Variants in FBXO7 observed in about 807,000 individuals in gnomAD.
FBXO7 encodes F-box only protein 7.
FBXO7 carries 31 observed loss-of-function variants against 50.2 expected under a neutral mutation model. That is an observed-to-expected ratio of 0.62 (90% CI 0.46 to 0.83). The LOEUF is 0.83. Ranked by LOEUF, FBXO7 falls within the 40% of genes least tolerant of loss-of-function variation. The pLI is 0.00. For missense variants in FBXO7, 667 were observed against 646.6 expected, an observed-to-expected ratio of 1.03 and a Z score of -0.34; for synonymous variants, 256 against 253.1, an observed-to-expected ratio of 1.01 and a Z score of -0.11.
intron 2 of FBXO7, among the ~76,000 whole-genome samples, chr22:32,481,603 AG>A (rs2057465165): frequency 6.6e-6 from 1 of 152,250 alleles, no homozygotes; most frequent in African/African-American, 2.4e-5. Flanking sequence ...AATGCTTTCA[AG>A]TACATCACAC....
chr22:32,494,086 G>A (rs1020982789), intron 7 of FBXO7, among the ~76,000 whole-genome samples: 3 of 137,260 alleles, frequency 2.2e-5, no homozygotes, highest in African/African-American at 8.3e-5. Context: ...CTGTAAAAAT[G>A]TGGTGGGTAG....
chr22:32,476,038 T>C (rs1184541185), intron 1 of FBXO7: 1 of 152,204 alleles, frequency 6.6e-6, no homozygotes, highest in African/African-American at 2.4e-5. Flanking sequence ...AGATGTTCCC[T>C]GGGGATTTTT....
rs527908525 is a variant in FBXO7 at position 32,488,428 on chromosome 22, A to T, written c.871+600A>T. On this transcript the variant is annotated intron_variant, in intron 5 of 8. Coordinates refer to ENST00000266087, the MANE Select transcript of FBXO7 (RefSeq NM_012179.4). Reference sequence around the variant, plus strand: ...TTTTTCAGTTAAACCAAACTGTGAGAGGCAGTTATAGGTGGTTGGAGCAGA... The same window carrying T: ...TTTTTCAGTTAAACCAAACTGTGAGTGGCAGTTATAGGTGGTTGGAGCAGA... The T allele has an allele frequency of 4.6e-5, 7 of 153,374 alleles. No individual in the cohort carries two copies. In the East Asian group the frequency reaches 1.1e-3, roughly 25 times the overall value. 9.5% of individuals were successfully genotyped at this position (153,374 alleles called of 1,614,324 possible).
At chr22:32,475,396 T>A (rs8137714) in intron 1 of FBXO7, 1 of 1,611,124 alleles carries the variant, frequency 6.2e-7, no homozygotes, top group Non-Finnish European at 8.5e-7. Flanking sequence ...GGTCCCCTCC[T>A]CGGTGAGTCA....
intron 1 of FBXO7, chr22:32,475,469 G>C: frequency 6.3e-7 from 1 of 1,576,554 alleles, no homozygotes; most frequent in Non-Finnish European, 8.7e-7. Context: ...TTCCACAACT[G>C]GTTAGATTTC....
intron 2 of FBXO7, among the ~76,000 whole-genome samples, chr22:32,480,929 G>A (rs1306427363): frequency 1.3e-5 from 2 of 152,200 alleles, no homozygotes; most frequent in African/African-American, 4.8e-5. Context: ...GCCACCCAAA[G>A]TAATGGGATT....
intron 6 of FBXO7, chr22:32,491,811 A>G (rs2057539244): frequency 6.7e-6 from 1 of 148,594 alleles, no homozygotes; most frequent in South Asian, 2.2e-4. Context: ...TTTATAATTC[A>G]CTCGAGATCC....
chr22:32,481,943 A>G (rs1373886503), intron 2 of FBXO7, among the ~76,000 whole-genome samples: 3 of 151,844 alleles, frequency 2.0e-5, no homozygotes, highest in African/African-American at 7.3e-5. Flanking sequence ...AGAATAGCTC[A>G]GAGAATGTCA....
At chr22:32,498,117 GTTCTT>G (rs746362938) in intron 8 of FBXO7, 22 bp from the exon 9 acceptor site, 5 of 1,612,442 alleles carry the variant, frequency 3.1e-6, no homozygotes, top group Admixed American at 3.3e-5. Context: ...ACCTTATCTT[GTTCTT>G]TTATTTTTCT....
intron 2 of FBXO7, among the ~76,000 whole-genome samples, chr22:32,480,415 T>A (rs2057457074): frequency 6.6e-6 from 1 of 152,026 alleles, no homozygotes; most frequent in Admixed American, 6.6e-5. Context: ...AGACCCATCA[T>A]TTTCCCCCGC....
At chr22:32,476,975 C>G (rs924618518) in intron 1 of FBXO7, among the ~76,000 whole-genome samples, 1 of 152,104 alleles carries the variant, frequency 6.6e-6, no homozygotes, top group Non-Finnish European at 1.5e-5. Context: ...TTGAACGTAC[C>G]TTGTACTAGA....
At chr22:32,476,771 A>G (rs1354918656) in intron 1 of FBXO7, among the ~76,000 whole-genome samples, 1 of 152,256 alleles carries the variant, frequency 6.6e-6, no homozygotes, top group African/African-American at 2.4e-5. Flanking sequence ...CTGCCATGAA[A>G]TACTTCTAAG....
intron 1 of FBXO7, 21 bp downstream of exon 1, chr22:32,475,145 G>C (rs1405485499): frequency 3.3e-6 from 5 of 1,537,012 alleles, no homozygotes; most frequent in Middle Eastern, 2.1e-4. Flanking sequence ...GCCGGGGCTG[G>C]GCGGCCCGCG....
In FBXO7 at chr22:32,475,799, AACTG is replaced by A. The variant is rs1234831646; in HGVS notation, c.122+677_122+680del. On this transcript the variant is annotated intron_variant, in intron 1 of 8. Coordinates refer to ENST00000266087, the MANE Select transcript of FBXO7 (RefSeq NM_012179.4). Reference sequence around the variant, plus strand: ...GGGTGAAATGTTGCTTTTTTGCTAAAACTGAGGCAAACGTTGATCTTGAGAGCTT... The same window carrying A: ...GGGTGAAATGTTGCTTTTTTGCTAAAAGGCAAACGTTGATCTTGAGAGCTT... The A allele has an allele frequency of 2.3e-4, 39 of 169,448 alleles. No homozygotes were observed. In the Middle Eastern group the frequency reaches 0.014, roughly 60 times the overall value. 10.5% of individuals were successfully genotyped at this position (169,448 alleles called of 1,614,324 possible). A position where few individuals can be genotyped will look rare whatever the true frequency, so the allele number is the denominator to read the frequency against.
chr22:32,491,789 A>T (rs2057539092), intron 6 of FBXO7: 1 of 152,046 alleles, frequency 6.6e-6, no homozygotes, highest in Admixed American at 6.6e-5. Context: ...ATGAAATCAT[A>T]ATTCAATAAG....
At chr22:32,475,468 T>TAAC (rs1298000003) in intron 1 of FBXO7, 15 of 1,577,700 alleles carry the variant, frequency 9.5e-6, no homozygotes, top group Admixed American at 1.7e-5. Context: ...TTTCCACAAC[T>TAAC]GGTTAGATTT....
intron 5 of FBXO7, chr22:32,488,669 G>A (rs2057514737): frequency 6.6e-6 from 1 of 152,166 alleles, no homozygotes; most frequent in Non-Finnish European, 1.5e-5. Context: ...AAGGCCTAAA[G>A]GCTTATTCTT....
chr22:32,475,464 C>T, intron 1 of FBXO7: 1 of 1,583,968 alleles, frequency 6.3e-7, no homozygotes, highest in Non-Finnish European at 8.6e-7. Context: ...ACAATTTCCA[C>T]AACTGGTTAG....
At chr22:32,494,628 G>T (rs1410535988) in intron 7 of FBXO7, among the ~76,000 whole-genome samples, 1 of 152,080 alleles carries the variant, frequency 6.6e-6, no homozygotes, top group Non-Finnish European at 1.5e-5. Flanking sequence ...CAGAATGACT[G>T]ATGTATATGG....
Sources: gnomAD v4.1 joint callset for allele counts (sites outside exome capture counted in the v4.1 genomes callset) on GRCh38, gnomAD v4.1.1 for gene constraint, MANE v1.5 for transcripts, NCBI Gene and HGNC (gene_info 2026-07-23, HGNC 2026-07-21) for gene names.